SUGCT: variants seen among roughly 807,000 people sequenced by gnomAD.
SUGCT encodes the protein succinyl-CoA:glutarate CoA-transferase.
A neutral mutation model predicts 55.0 loss-of-function variants in SUGCT; 41 were observed. That is an observed-to-expected ratio of 0.74 (90% confidence interval 0.58 to 0.97). SUGCT has a LOEUF of 0.97. Among genes scored for constraint, SUGCT ranks in the 50% least tolerant of loss-of-function variants. SUGCT has a pLI of 0.00. For missense variants in SUGCT, 568 were observed against 547.8 expected (o/e 1.04, Z -0.37); for synonymous variants, 187 against 200.4 (o/e 0.93, Z 0.56).
At chr7:40,850,469 C>A (rs999375776) in intron 13 of SUGCT, among the ~76,000 whole-genome samples, 3 of 152,172 alleles carry the variant, frequency 2.0e-5, no homozygotes, top group Non-Finnish European at 4.4e-5. Context: ...ATTGTTCCTT[C>A]CACTTAACTA....
chr7:41,000,985 GCAT>G, the SUGCT span, among the ~76,000 whole-genome samples: 8 of 152,136 alleles, frequency 5.3e-5, no homozygotes, highest in Non-Finnish European at 1.5e-5. Flanking sequence ...TTTAAGAGTG[GCAT>G]CAAAATTCTT....
At chr7:40,356,479 G>C (rs1488396858) in intron 9 of SUGCT, among the ~76,000 whole-genome samples, 120 of 152,192 alleles carry the variant, frequency 7.9e-4, no homozygotes, top group Non-Finnish European at 1.5e-5. Context: ...TGTGTAGTGA[G>C]TGGAGTGAGT....
chr7:40,169,887 T>A (rs1169106936), intron 1 of SUGCT, among the ~76,000 whole-genome samples: 1 of 152,190 alleles, frequency 6.6e-6, no homozygotes, highest in East Asian at 1.9e-4. Flanking sequence ...TGTCTGCAAC[T>A]GACTGAGTGA....
the SUGCT span, among the ~76,000 whole-genome samples, chr7:40,978,698 G>T: frequency 1.3e-5 from 2 of 152,146 alleles, no homozygotes; most frequent in Non-Finnish European, 2.9e-5. Context: ...GAGCATGAGT[G>T]GTCCATCTGA....
chr7:40,707,794 G>T (rs1423439733), intron 12 of SUGCT, among the ~76,000 whole-genome samples: 1 of 152,118 alleles, frequency 6.6e-6, no homozygotes, highest in African/African-American at 2.4e-5. Context: ...CTTAAATATT[G>T]TTTCTAAGTA....
rs531914939 is a variant in SUGCT, at chr7:40,344,610, A to G, written c.816+27755A>G. On this transcript the variant is annotated intron_variant, in intron 9 of 13. Coordinates refer to ENST00000335693, the MANE Select transcript of SUGCT (RefSeq NM_001193313.2). ...TAAAATAACGGAGTTGAGCAGTTGC[A>G]ACAGAGATTGTATGACCTGCAAAGC... is the stretch of plus-strand genomic sequence containing the variant. Among the ~76,000 whole-genome samples the G allele has an allele frequency of 2.0e-5, 3 of 152,302 alleles. No homozygotes were observed. The South Asian group carries it at 6.2e-4, about 32-fold the overall frequency.
At chr7:40,706,471 A>T (rs966393864) in intron 12 of SUGCT, among the ~76,000 whole-genome samples, 1 of 152,186 alleles carries the variant, frequency 6.6e-6, no homozygotes, top group African/African-American at 2.4e-5. Context: ...GTGGCACTGC[A>T]CTCCAACCTG....
the SUGCT span, among the ~76,000 whole-genome samples, chr7:41,025,687 G>A: frequency 6.6e-6 from 1 of 152,108 alleles, no homozygotes; most frequent in Non-Finnish European, 1.5e-5. Flanking sequence ...AAATAAGAAT[G>A]AGTTGTGTTA....
chr7:40,332,525 C>T (rs1359044828), intron 9 of SUGCT, among the ~76,000 whole-genome samples: 1 of 145,744 alleles, frequency 6.9e-6, no homozygotes, highest in Non-Finnish European at 1.5e-5. Context: ...TCTCAAGAAA[C>T]TTTAGAAGGG....
chr7:40,706,092 T>C (rs921974537), intron 12 of SUGCT, among the ~76,000 whole-genome samples: 4 of 152,198 alleles, frequency 2.6e-5, no homozygotes, highest in Non-Finnish European at 5.9e-5. Context: ...TGATCATTAA[T>C]ATTTCTAATA....
intron 1 of SUGCT, among the ~76,000 whole-genome samples, chr7:40,163,140 G>A (rs779703466): frequency 1.3e-5 from 2 of 152,146 alleles, no homozygotes; most frequent in South Asian, 4.1e-4. Context: ...TGGCAAGATC[G>A]AAGTCATTTG....
At position 40,496,388 on chromosome 7, in the gene SUGCT, T is replaced by A. The variant is rs899262942; in HGVS notation, c.1089+2T>A. The stretch of plus-strand genomic sequence containing the variant: ...AAGAATGTATTTGCAGAACCTCAGG[T>A]TTGTTTTTGAAGTTTAACAACGCCT... On this transcript the variant is annotated splice_donor_variant, in intron 12 of 13. Transcript: ENST00000335693. LOFTEE classifies it high-confidence loss of function. The A allele has an allele frequency of 1.6e-5, 25 of 1,607,326 alleles. No homozygotes were observed. Among genetic ancestry groups the A allele is most frequent in the Non-Finnish European group, 1.6e-5 (19 of 1,175,468 alleles).
intron 12 of SUGCT, among the ~76,000 whole-genome samples, chr7:40,703,984 A>G (rs1785281742): frequency 6.6e-6 from 1 of 152,204 alleles, no homozygotes; most frequent in Admixed American, 6.5e-5. Context: ...ACCGGAGGAG[A>G]CTTGTACGGT....
chr7:40,298,283 T>G (rs1490059046), intron 8 of SUGCT, among the ~76,000 whole-genome samples: 3 of 152,120 alleles, frequency 2.0e-5, no homozygotes, highest in Non-Finnish European at 2.9e-5. Context: ...GACAGATTTT[T>G]TAAAGTGGTG....
chr7:40,766,966 C>A (rs1788823735), intron 13 of SUGCT, among the ~76,000 whole-genome samples: 1 of 152,146 alleles, frequency 6.6e-6, no homozygotes, highest in African/African-American at 2.4e-5. Context: ...AACTGGTGCC[C>A]ACACTTAAGG....
intron 12 of SUGCT, among the ~76,000 whole-genome samples, chr7:40,497,119 A>G (rs1792026314): frequency 6.6e-6 from 1 of 152,214 alleles, no homozygotes; most frequent in Admixed American, 6.5e-5. Context: ...ATCGATCCCC[A>G]AAAGTACAGG....
intron 6 of SUGCT, among the ~76,000 whole-genome samples, chr7:40,235,935 A>G (rs1248412384): frequency 6.6e-6 from 1 of 152,182 alleles, no homozygotes; most frequent in Non-Finnish European, 1.5e-5. Context: ...AAAGCAGCAT[A>G]TGCAGGGAAT....
At chr7:40,982,560 T>C in the SUGCT span, among the ~76,000 whole-genome samples, 1 of 152,330 alleles carries the variant, frequency 6.6e-6, no homozygotes, top group East Asian at 1.9e-4. Flanking sequence ...TGAGTAATAC[T>C]AACTGCATTA....
chr7:40,564,392 T>A lies in SUGCT; in HGVS notation c.1089+68006T>A, dbSNP rs780643227. 3.2e-4 allele frequency among the ~76,000 whole-genome samples: 48 copies of A among 152,122 alleles called. No homozygotes were observed. In the East Asian group the frequency reaches 3.3e-3, roughly 10 times the overall value. On this transcript the variant is annotated intron_variant, in intron 12 of 13. Transcript: ENST00000335693. Reference sequence around the variant, plus strand: ...AGAGCGAGACTCCGTCTCAAAAAAATAAATAAATAAAATAAAATAAATGCA... The same window carrying A: ...AGAGCGAGACTCCGTCTCAAAAAAAAAAATAAATAAAATAAAATAAATGCA...
Sources: gnomAD v4.1 joint callset for allele counts (sites outside exome capture counted in the v4.1 genomes callset) on GRCh38, gnomAD v4.1.1 for gene constraint, MANE v1.5 for transcripts, NCBI Gene and HGNC (gene_info 2026-07-23, HGNC 2026-07-21) for gene names.